CST9: variants seen among roughly 807,000 people sequenced by gnomAD.
CST9 encodes cystatin-9.
A neutral mutation model predicts 7.7 loss-of-function variants in CST9; 11 were observed. The ratio of observed to expected loss-of-function variants is 1.44; its 90% CI spans 0.90 to 2.38. The LOEUF (loss-of-function observed/expected upper bound fraction) is 2.38. Ranked by LOEUF, CST9 falls within the 30% of genes most tolerant of loss-of-function variation. The pLI is 0.00. For synonymous variants in CST9, 71 were observed against 74.3 expected (o/e 0.96, Z 0.23); for missense variants, 214 against 199.1 (o/e 1.07, Z -0.45).
rs114937908 is a variant in CST9 at position 23,605,620 on chromosome 20, A to C, written c.245T>G (p.Met82Arg). The C allele has an allele frequency of 8.0e-4, 1,289 of 1,614,082 alleles. 9 individuals carry two copies. In the African/African-American group the frequency reaches 0.015, roughly 19 times the overall value. Residue 82 changes from methionine to arginine, a missense_variant, in exon 1 of 2, where the codon ATG (methionine) becomes AGG (arginine). Met to Arg is a moderately conservative substitution (Grantham distance 91). Coordinates refer to ENST00000376971, the MANE Select transcript of CST9 (RefSeq NM_001008693.3). ...GATGTGGTCACCAACCTTTCTGTCC[A>C]TGCTATCCTCCCTCCATGAACTCAG... ...RVLSSWREDS[M>R]DRKWRGKMVF...
chr20:23,603,244 G>A lies in CST9; in HGVS notation c.*266C>T. The A allele has an allele frequency of 7.5e-7, 1 of 1,328,748 alleles. No individual in the cohort carries two copies. 82.3% of individuals were successfully genotyped at this position (1,328,748 alleles called of 1,614,324 possible). A position where few individuals can be genotyped will look rare whatever the true frequency, so the allele number is the denominator to read the frequency against. ...ACTTTTGGGTCTAGGGCAGGGTAGG[G>A]AAACCCTGAGAAAAGTACCCACAGA... On this transcript the variant is annotated 3_prime_UTR_variant, in exon 2 of 2. Coordinates refer to ENST00000376971, the MANE Select transcript of CST9 (RefSeq NM_001008693.3).
Position 23,605,626 on chromosome 20 carries a change from T to C in CST9, c.239A>G (p.Asp80Gly). The part of the protein sequence containing the change: ...LLRVLSSWRE[D>G]SMDRKWRGKM... ...GTCACCAACCTTTCTGTCCATGCTATCCTCCCTCCATGAACTCAGGACGCG... is the reference window on the plus strand; with the variant it reads ...GTCACCAACCTTTCTGTCCATGCTACCCTCCCTCCATGAACTCAGGACGCG... The change falls in exon 1 of 2, where the codon GAT becomes GGT. Residue 80 changes from aspartate to glycine, a missense_variant. Coordinates refer to ENST00000376971, the MANE Select transcript of CST9 (RefSeq NM_001008693.3). The C allele has an allele frequency of 6.2e-7, 1 of 1,614,124 alleles. No individual in the cohort carries two copies. The highest frequency in any genetic ancestry group is 1.3e-5 in the African/African-American group (1 of 75,040).
Position 23,603,599 on chromosome 20 carries a change from G to C in CST9, c.391C>G (p.Pro131Ala), listed in dbSNP as rs1978678700. Residue 131 changes from proline to alanine, a missense_variant, in exon 2 of 2, where the codon CCT (proline) becomes GCT (alanine). Pro to Ala is a conservative substitution (Grantham distance 27, BLOSUM62 -1). Coordinates refer to ENST00000376971, the MANE Select transcript of CST9 (RefSeq NM_001008693.3). ...CAGCATCCACAGCTGTGGACCTGAG[G>C]AAAGCTGATGCCCTGTCTTACGTTG... ...LNNVRQGISF[P>A]QVHSCGCCMG... 4 of 1,614,094 alleles carry C rather than the reference G, an allele frequency of 2.5e-6. No homozygotes were observed. Among genetic ancestry groups the C allele is most frequent in the Non-Finnish European group, 3.4e-6 (4 of 1,180,038 alleles).
chr20:23,605,448 T>C (rs1416857518), intron 1 of CST9, among the ~76,000 whole-genome samples, 162 bp downstream of exon 1: 3 of 152,150 alleles, frequency 2.0e-5, no homozygotes, highest in Non-Finnish European at 4.4e-5. Context: ...TAAAAAAAAT[T>C]TTAAGTTCAA....
Position 23,603,714 on chromosome 20 carries a change from G to A in CST9, c.276C>T (p.Phe92=), listed in dbSNP as rs1253909556. ...MDRKWRGKMV[F]SMNLQLRQTV... Reference sequence around the variant, plus strand: ...TTTGGCGCAGTTGCAGATTCATGGAGAACACCATCTTACCTCGCCACTGTT... The same window carrying A: ...TTTGGCGCAGTTGCAGATTCATGGAAAACACCATCTTACCTCGCCACTGTT... Residue 92 remains phenylalanine, a synonymous_variant, in exon 2 of 2, where the codon TTC becomes TTT. Coordinates refer to ENST00000376971, the MANE Select transcript of CST9 (RefSeq NM_001008693.3). The A allele has an allele frequency of 2.5e-6, 4 of 1,614,110 alleles. No individual in the cohort carries two copies. The East Asian group carries it at 8.9e-5, about 36-fold the overall frequency.
At position 23,603,368 on chromosome 20, in the gene CST9, C is replaced by T; in HGVS notation, c.*142G>A. The T allele has an allele frequency of 2.8e-6, 4 of 1,449,744 alleles. No homozygotes were observed. Among genetic ancestry groups the T allele is most frequent in the East Asian group, 2.5e-5 (1 of 40,222 alleles). 89.8% of individuals were successfully genotyped at this position (1,449,744 alleles called of 1,614,324 possible). On this transcript the variant is annotated 3_prime_UTR_variant, in exon 2 of 2. Transcript: ENST00000376971. ...TTCTGAAGGCCATGTGGCCCAGGTG[C>T]AGGCAGCTGCAATGGTGTCAGAGGG...
In CST9 at chr20:23,603,286, T is replaced by A. The variant is rs1978666722; in HGVS notation, c.*224A>T. On this transcript the variant is annotated 3_prime_UTR_variant, in exon 2 of 2. Coordinates refer to ENST00000376971, the MANE Select transcript of CST9 (RefSeq NM_001008693.3). ...ACCCACAGACATTGTCACCATTGTC[T>A]CCAGGCTCTTTCTCTAGAAGGCAGG... 2.1e-6 allele frequency: 3 copies of A among 1,412,884 alleles called. No homozygotes were observed. Among genetic ancestry groups the A allele is most frequent in the Non-Finnish European group, 2.8e-6 (3 of 1,086,530 alleles). The allele number at this position is 1,412,884 out of a possible 1,614,324, so 87.5% of individuals were successfully genotyped here.
chr20:23,605,728 A>T lies in CST9; in HGVS notation c.137T>A (p.Met46Lys), dbSNP rs765228378. 1 of 1,614,232 alleles carries T rather than the reference A, an allele frequency of 6.2e-7. No individual in the cohort carries two copies. Among genetic ancestry groups the T allele is most frequent in the South Asian group, 1.1e-5 (1 of 91,086 alleles). The change falls in exon 1 of 2, where the codon ATG becomes AAG. Residue 46 changes from methionine to lysine, a missense_variant. Transcript: ENST00000376971. The stretch of plus-strand genomic sequence containing the variant: ...GGCAAACTCCACTGTGGCGAGGAAC[A>T]TAGGATCCTGGACTATTTTATTATT... ...GGNNKIVQDP[M>K]FLATVEFALN...
At chr20:23,603,826 A>G in intron 1 of CST9, 92 bp from the exon 2 acceptor site, 1 of 1,298,076 alleles carries the variant, frequency 7.7e-7, no homozygotes, top group East Asian at 2.3e-5. Flanking sequence ...GAGAGGCCCC[A>G]ACACTTTACT....
chr20:23,602,904 G>A lies in CST9; in HGVS notation c.*606C>T. 5 of 987,984 alleles carry A rather than the reference G, an allele frequency of 5.1e-6. No homozygotes were observed. The highest frequency in any genetic ancestry group is 6.0e-6 in the Non-Finnish European group (5 of 831,922). 61.2% of individuals were successfully genotyped at this position (987,984 alleles called of 1,614,324 possible). A position where few individuals can be genotyped will look rare whatever the true frequency, so the allele number is the denominator to read the frequency against. On this transcript the variant is annotated 3_prime_UTR_variant, in exon 2 of 2. Transcript: ENST00000376971. ...AATCCTGAACTACAACGTGATTTGA[G>A]GCTCCCTCCCTCCTTAGCCAGGGTC...
At chr20:23,605,452 A>G (rs1237016728) in intron 1 of CST9, among the ~76,000 whole-genome samples, 158 bp downstream of exon 1, 1 of 152,232 alleles carries the variant, frequency 6.6e-6, no homozygotes, top group South Asian at 2.1e-4. Context: ...AAAAATTTTA[A>G]GTTCAATGTT....
Position 23,602,529 on chromosome 20 carries a change from C to T in CST9, c.*981G>A, listed in dbSNP as rs187704459. Reference sequence around the variant, plus strand: ...TGCAAAATAAGAGAACAAATATGCACGGAGCTGCTCAGCCACTGATATGTC... The same window carrying T: ...TGCAAAATAAGAGAACAAATATGCATGGAGCTGCTCAGCCACTGATATGTC... On this transcript the variant is annotated 3_prime_UTR_variant, in exon 2 of 2. Transcript: ENST00000376971. 4.2e-4 allele frequency: 76 copies of T among 183,058 alleles called. No homozygotes were observed. The Middle Eastern group carries it at 0.013, about 32-fold the overall frequency. 11.3% of individuals were successfully genotyped at this position (183,058 alleles called of 1,614,324 possible).
In CST9 at chr20:23,603,507, G is replaced by T. The variant is rs765692596; in HGVS notation, c.*3C>A. 2 of 1,613,894 alleles carry T rather than the reference G, an allele frequency of 1.2e-6. No individual in the cohort carries two copies. Among genetic ancestry groups the T allele is most frequent in the African/African-American group, 1.3e-5 (1 of 74,916 alleles). On this transcript the variant is annotated 3_prime_UTR_variant, in exon 2 of 2. Coordinates refer to ENST00000376971, the MANE Select transcript of CST9 (RefSeq NM_001008693.3). ...GGGCAGCCTGGTACAGCCTGCTGTG[G>T]GCTCACTTCCCTTTGTCCCTCGGAA...
chr20:23,605,438 T>A (rs529299927), intron 1 of CST9, among the ~76,000 whole-genome samples, 172 bp downstream of exon 1: 4 of 152,260 alleles, frequency 2.6e-5, no homozygotes, highest in South Asian at 2.1e-4. Flanking sequence ...TTACCTAATT[T>A]AAAAAAAATT....
At position 23,603,225 on chromosome 20, in the gene CST9, G is replaced by T; in HGVS notation, c.*285C>A. Reference sequence around the variant, plus strand: ...CTTCTTCTCAGCCTCCACCACTTTTGGGTCTAGGGCAGGGTAGGGAAACCC... The same window carrying T: ...CTTCTTCTCAGCCTCCACCACTTTTTGGTCTAGGGCAGGGTAGGGAAACCC... On this transcript the variant is annotated 3_prime_UTR_variant, in exon 2 of 2. Transcript: ENST00000376971. The T allele has an allele frequency of 7.9e-7, 1 of 1,271,400 alleles. No homozygotes were observed. The highest frequency in any genetic ancestry group is 1.0e-6 in the Non-Finnish European group (1 of 1,002,914). 78.8% of individuals were successfully genotyped at this position (1,271,400 alleles called of 1,614,324 possible).
In CST9 at chr20:23,605,631, C is replaced by G. The variant is rs367813029; in HGVS notation, c.234G>C (p.Arg78Ser). The G allele has an allele frequency of 4.5e-5, 72 of 1,614,168 alleles. No individual in the cohort carries two copies. The highest frequency in any genetic ancestry group is 3.3e-4 in the Admixed American group (20 of 60,028). The change falls in exon 1 of 2, where the codon AGG becomes AGC. Residue 78 changes from arginine to serine, a missense_variant. Arg to Ser is a moderately radical substitution (Grantham distance 110). Coordinates refer to ENST00000376971, the MANE Select transcript of CST9 (RefSeq NM_001008693.3). ...YRLLRVLSSW[R>S]EDSMDRKWRG... ...CAACCTTTCTGTCCATGCTATCCTC[C>G]CTCCATGAACTCAGGACGCGCAACA... is the stretch of plus-strand genomic sequence containing the variant.
Position 23,605,661 on chromosome 20 carries a change from G to T in CST9, c.204C>A (p.Tyr68Ter). Residue 68 changes from tyrosine to a stop codon, truncating the protein, a stop_gained, in exon 1 of 2, where the codon TAC becomes TAA. Coordinates refer to ENST00000376971, the MANE Select transcript of CST9 (RefSeq NM_001008693.3). LOFTEE classifies it high-confidence loss of function. ...FNVQSKEEHA[Y>*]RLLRVLSSWR... is the part of the protein sequence containing the mutation. ...ATGAACTCAGGACGCGCAACAGCCT[G>T]TAGGCATGCTCCTCCTTGCTCTGCA... 3 of 1,614,142 alleles carry T rather than the reference G, an allele frequency of 1.9e-6. No individual in the cohort carries two copies. Among genetic ancestry groups the T allele is most frequent in the Non-Finnish European group, 2.5e-6 (3 of 1,180,028 alleles).
In CST9 at chr20:23,602,927, G is replaced by C; in HGVS notation, c.*583C>G. On this transcript the variant is annotated 3_prime_UTR_variant, in exon 2 of 2. Coordinates refer to ENST00000376971, the MANE Select transcript of CST9 (RefSeq NM_001008693.3). ...GAGGCTCCCTCCCTCCTTAGCCAGG[G>C]TCACTTGTGCCATGCCTCCTCCTCC... 1 of 988,590 alleles carries C rather than the reference G, an allele frequency of 1.0e-6. No homozygotes were observed. Among genetic ancestry groups the C allele is most frequent in the Non-Finnish European group, 1.2e-6 (1 of 832,246 alleles). 61.2% of individuals were successfully genotyped at this position (988,590 alleles called of 1,614,324 possible).
intron 1 of CST9, among the ~76,000 whole-genome samples, chr20:23,604,004 C>G (rs1013995542): frequency 5.3e-5 from 8 of 152,156 alleles, no homozygotes; most frequent in Admixed American, 1.3e-4. Context: ...CTCCACCCAC[C>G]CCCATTTCCC....
Sources: gnomAD v4.1 joint callset for allele counts (sites outside exome capture counted in the v4.1 genomes callset) on GRCh38, gnomAD v4.1.1 for gene constraint, MANE v1.5 for transcripts, NCBI Gene and HGNC (gene_info 2026-07-23, HGNC 2026-07-21) for gene names.